LCLAT1: variants seen among roughly 807,000 people sequenced by gnomAD.
The protein encoded by LCLAT1 is 1-AGP acyltransferase 8.
A neutral mutation model predicts 30.7 loss-of-function variants in LCLAT1; 11 were observed. That is an observed-to-expected ratio of 0.36 (90% CI 0.23 to 0.59). LCLAT1 has a LOEUF of 0.59. Among genes scored for constraint, LCLAT1 ranks in the 20% least tolerant of loss-of-function variants. LCLAT1 has a pLI of 0.77. For missense variants in LCLAT1, 402 were observed against 458.6 expected (o/e 0.88, Z 1.13); for synonymous variants, 155 against 151.3 (o/e 1.02, Z -0.18).
chr2:30,537,054 T>C (rs1229964040), intron 3 of LCLAT1, among the ~76,000 whole-genome samples: 1 of 152,132 alleles, frequency 6.6e-6, no homozygotes, highest in Non-Finnish European at 1.5e-5. Flanking sequence ...AAACCAAACA[T>C]GAGCAGGAGT....
chr2:30,449,886 G>A (rs1462170541), intron 1 of LCLAT1, among the ~76,000 whole-genome samples: 2 of 152,022 alleles, frequency 1.3e-5, no homozygotes, highest in Non-Finnish European at 2.9e-5. Flanking sequence ...AATTTGCTGG[G>A]GGACTTTTAA....
intron 1 of LCLAT1, among the ~76,000 whole-genome samples, chr2:30,495,860 A>T (rs1487364791): frequency 6.6e-6 from 1 of 152,152 alleles, no homozygotes; most frequent in African/African-American, 2.4e-5. Flanking sequence ...GTAGGTGGTT[A>T]TGTATTATTC....
At chr2:30,636,966 G>GGT in intron 5 of LCLAT1, among the ~76,000 whole-genome samples, 1 of 152,196 alleles carries the variant, frequency 6.6e-6, no homozygotes, top group Non-Finnish European at 1.5e-5. Context: ...TACTGATGAA[G>GGT]ACCTGTAATC....
In LCLAT1 at chr2:30,537,387, C is replaced by CAA. The variant is rs565063139; in HGVS notation, c.364+4085_364+4086dup. Among the ~76,000 whole-genome samples the CAA allele has an allele frequency of 2.3e-4, 21 of 89,628 alleles. No homozygotes were observed. The East Asian group carries it at 4.1e-3, about 17-fold the overall frequency. 58.8% of individuals were successfully genotyped at this position (89,628 alleles called of 152,430 possible). A position where few individuals can be genotyped will look rare whatever the true frequency, so the allele number is the denominator to read the frequency against. ...TGGGCGACAGAGCGAGACTCCGTCT[C>CAA]AAAAAAAAAAAAAGATAGACTTCAA... On this transcript the variant is annotated intron_variant, in intron 3 of 5. Coordinates refer to ENST00000379509, the MANE Select transcript of LCLAT1 (RefSeq NM_001002257.3).
intron 3 of LCLAT1, among the ~76,000 whole-genome samples, chr2:30,549,318 G>C (rs944679459): frequency 3.9e-5 from 6 of 152,120 alleles, no homozygotes; most frequent in African/African-American, 1.4e-4. Context: ...ATTGCGTTAG[G>C]CTGCTAGATA....
intron 5 of LCLAT1, among the ~76,000 whole-genome samples, chr2:30,616,130 G>T (rs1475732332): frequency 1.3e-5 from 2 of 152,192 alleles, no homozygotes; most frequent in East Asian, 3.8e-4. Flanking sequence ...CATGTGCACA[G>T]CTGATAGGGA....
Position 30,533,183 on chromosome 2 carries a change from G to C in LCLAT1, c.233G>C (p.Arg78Thr), listed in dbSNP as rs767655980. 4 of 1,614,100 alleles carry C rather than the reference G, an allele frequency of 2.5e-6. No individual in the cohort carries two copies. Among genetic ancestry groups the C allele is most frequent in the Non-Finnish European group, 3.4e-6 (4 of 1,179,934 alleles). ...GGGGATGCATTTGTTCCTGGAGAAAGAAGTGTCATTATCATGAACCATCGG... is the reference window on the plus strand; with the variant it reads ...GGGGATGCATTTGTTCCTGGAGAAACAAGTGTCATTATCATGAACCATCGG... ...ITGDAFVPGE[R>T]SVIIMNHRTR... is the part of the protein sequence containing the mutation. Residue 78 changes from arginine (R) to threonine (T), a missense_variant, in exon 3 of 6, where the codon AGA becomes ACA. By Grantham distance (71) the Arg-to-Thr change is moderately conservative (BLOSUM62 -1). Coordinates refer to ENST00000379509, the MANE Select transcript of LCLAT1 (RefSeq NM_001002257.3).
intron 1 of LCLAT1, among the ~76,000 whole-genome samples, chr2:30,504,301 C>G (rs1684554204): frequency 1.5e-5 from 1 of 66,070 alleles, no homozygotes; most frequent in Non-Finnish European, 3.9e-5. Flanking sequence ...GACTTCATCA[C>G]TTAGTTCTTT....
At chr2:30,610,213 TAAACCCTGTGA>T (rs1553383966) in intron 5 of LCLAT1, among the ~76,000 whole-genome samples, 2 of 152,082 alleles carry the variant, frequency 1.3e-5, no homozygotes, top group Non-Finnish European at 2.9e-5. Flanking sequence ...GTTTCCTTAA[TAAACCCTGTGA>T]AAAGCAATGT....
chr2:30,612,462 C>T (rs977263785), intron 5 of LCLAT1, among the ~76,000 whole-genome samples: 1 of 152,162 alleles, frequency 6.6e-6, no homozygotes, highest in Non-Finnish European at 1.5e-5. Flanking sequence ...TCATTTAGTG[C>T]TGTTGACCTA....
chr2:30,525,542 G>GAA, intron 1 of LCLAT1, 45 bp from the exon 2 acceptor site: 1 of 1,477,874 alleles, frequency 6.8e-7, no homozygotes, highest in Non-Finnish European at 9.4e-7. Context: ...AATTCGAGCC[G>GAA]TTAAATGTAT....
At chr2:30,538,534 C>T (rs573516709) in intron 3 of LCLAT1, among the ~76,000 whole-genome samples, 25 of 151,998 alleles carry the variant, frequency 1.6e-4, no homozygotes, top group African/African-American at 5.8e-4. Flanking sequence ...CCTTGGGAGG[C>T]TGAGGCAGGA....
At chr2:30,510,970 TTAAAGA>T (rs1684911923) in intron 1 of LCLAT1, among the ~76,000 whole-genome samples, 1 of 152,200 alleles carries the variant, frequency 6.6e-6, no homozygotes, top group South Asian at 2.1e-4. Context: ...TTTGAAAATG[TTAAAGA>T]TAGTTTTCTT....
At chr2:30,488,511 T>C (rs557436590) in intron 1 of LCLAT1, among the ~76,000 whole-genome samples, 3 of 152,388 alleles carry the variant, frequency 2.0e-5, no homozygotes, top group African/African-American at 7.2e-5. Context: ...CTTTACTTTC[T>C]CTTTTCTTTT....
At chr2:30,475,044 C>A (rs1034422131) in intron 1 of LCLAT1, among the ~76,000 whole-genome samples, 1 of 152,108 alleles carries the variant, frequency 6.6e-6, no homozygotes, top group African/African-American at 2.4e-5. Flanking sequence ...GTTGCCCAGG[C>A]TGGAGTACAG....
chr2:30,534,614 A>G (rs1015838171), intron 3 of LCLAT1, among the ~76,000 whole-genome samples: 2 of 152,098 alleles, frequency 1.3e-5, no homozygotes, highest in Admixed American at 1.3e-4. Flanking sequence ...TTATATCTTT[A>G]TCTTTCTCTT....
chr2:30,463,149 A>T (rs1682249670), intron 1 of LCLAT1, among the ~76,000 whole-genome samples: 1 of 151,834 alleles, frequency 6.6e-6, no homozygotes, highest in Admixed American at 6.6e-5. Flanking sequence ...TTATACATTT[A>T]TATATTTATA....
intron 5 of LCLAT1, among the ~76,000 whole-genome samples, chr2:30,635,050 C>T (rs1668958014): frequency 6.6e-6 from 1 of 152,174 alleles, no homozygotes. Context: ...TACAGAGTTA[C>T]ATGTGGCTTT....
chr2:30,609,970 T>C (rs1347994935), intron 5 of LCLAT1, among the ~76,000 whole-genome samples: 1 of 152,136 alleles, frequency 6.6e-6, no homozygotes, highest in Admixed American at 6.6e-5. Context: ...TTGATACTTT[T>C]GATGTGATGA....
Sources: allele counts gnomAD v4.1 joint callset (sites outside exome capture counted in the v4.1 genomes callset), GRCh38; gene constraint gnomAD v4.1.1; transcripts MANE v1.5; gene names NCBI Gene and HGNC (gene_info 2026-07-23, HGNC 2026-07-21).